GPR37: variants seen among roughly 807,000 people sequenced by gnomAD.
GPR37 encodes the protein prosaposin receptor GPR37.
Under a neutral mutation model 43.6 loss-of-function variants are expected in GPR37, and 20 were observed. The ratio of observed to expected loss-of-function variants is 0.46; its 90% CI spans 0.32 to 0.67. The LOEUF (loss-of-function observed/expected upper bound fraction) is 0.67, where lower values mean the gene tolerates loss of function less well. GPR37 is among the 30% of genes least tolerant of loss of function. The probability of loss-of-function intolerance (pLI) is 0.03; values close to 1 mark genes in which losing one functional copy is unlikely to be tolerated. For synonymous variants in GPR37, 315 were observed against 322.6 expected, an observed-to-expected ratio of 0.98 and a Z score of 0.25; for missense variants, 724 against 797.2, an observed-to-expected ratio of 0.91 and a Z score of 1.11.
intron 1 of GPR37, among the ~76,000 whole-genome samples, chr7:124,763,227 G>C (rs1223225449): frequency 6.6e-6 from 1 of 152,128 alleles, no homozygotes; most frequent in Non-Finnish European, 1.5e-5. Context: ...GTATAACTTT[G>C]AGAATGTTAA....
At position 124,764,829 on chromosome 7, in the gene GPR37, G is replaced by GGATC; in HGVS notation, c.144_147dup (p.Gln50AspfsTer47). ...CCCCAGGCGTCCCTGCCGCGGCGCT[G>GGATC]GATCACTGTAGGTGCACAGCTCTCC... is the stretch of plus-strand genomic sequence containing the variant. On this transcript the variant is annotated frameshift_variant, in exon 1 of 2. Transcript: ENST00000303921. LOFTEE classifies it high-confidence loss of function. This position sits in a 1 kb window ranked among gnomAD's most constrained non-coding sequence, Gnocchi z 5.4. 1 of 1,613,706 alleles carries GGATC rather than the reference G, an allele frequency of 6.2e-7. No homozygotes were observed.
chr7:124,746,585 C>A lies in GPR37; in HGVS notation c.1782G>T (p.Ser594=), dbSNP rs374455144. 1 of 1,613,390 alleles carries A rather than the reference C, an allele frequency of 6.2e-7. No homozygotes were observed. The highest frequency in any genetic ancestry group is 1.3e-5 in the African/African-American group (1 of 74,862). ...TTTCACGGCGTATGGTACTGAAAGGCGAGAGTTCGAGTTCCGTGGTGTACT... is the reference window on the plus strand; with the variant it reads ...TTTCACGGCGTATGGTACTGAAAGGAGAGAGTTCGAGTTCCGTGGTGTACT... ...DNEYTTELEL[S]PFSTIRREMS... is the part of the protein sequence containing the mutation. Residue 594 remains serine, a synonymous_variant, in exon 2 of 2, where the codon TCG becomes TCT. Transcript: ENST00000303921.
Position 124,746,471 on chromosome 7 carries a change from T to C in GPR37, c.*54A>G, listed in dbSNP as rs945861118. 5 of 1,335,430 alleles carry C rather than the reference T, an allele frequency of 3.7e-6. No individual in the cohort carries two copies. In the African/African-American group the frequency reaches 5.9e-5, roughly 16 times the overall value. 82.7% of individuals were successfully genotyped at this position (1,335,430 alleles called of 1,614,324 possible). The stretch of plus-strand genomic sequence containing the variant: ...TAAGGAAAAATATGAATTAAAAACT[T>C]TCACGGGATATGAAAATCAAACAAA... On this transcript the variant is annotated 3_prime_UTR_variant, in exon 2 of 2. Transcript: ENST00000303921.
intron 1 of GPR37, among the ~76,000 whole-genome samples, chr7:124,748,992 T>C (rs1793704278): frequency 6.6e-6 from 1 of 152,118 alleles, no homozygotes; most frequent in South Asian, 2.1e-4. Flanking sequence ...CACATTTATT[T>C]ATATCAACTC....
At position 124,754,337 on chromosome 7, in the gene GPR37, G is replaced by A. The variant is rs147534282; in HGVS notation, c.1024-6994C>T. Among the ~76,000 whole-genome samples, 504 of 152,200 alleles carry A rather than the reference G, an allele frequency of 3.3e-3. 4 individuals carry two copies. Among genetic ancestry groups the A allele is most frequent in the African/African-American group, 0.012 (478 of 41,544 alleles). Reference sequence around the variant, plus strand: ...CTACAGAGATCCTGTCTTAGCTACTGCTGCATTTCTCAGAAGCTAACTGCA... The same window carrying A: ...CTACAGAGATCCTGTCTTAGCTACTACTGCATTTCTCAGAAGCTAACTGCA... On this transcript the variant is annotated intron_variant, in intron 1 of 1. Coordinates refer to ENST00000303921, the MANE Select transcript of GPR37 (RefSeq NM_005302.5).
Position 124,744,464 on chromosome 7 carries a change from C to T in GPR37, c.*2061G>A. On this transcript the variant is annotated 3_prime_UTR_variant, in exon 2 of 2. Transcript: ENST00000303921. ...AACTGGGCTGTTTATTCTTCAATCA[C>T]ACCCACTGATTTCTTCTTCTATTCC... The T allele has an allele frequency of 6.6e-6, 1 of 152,122 alleles. No homozygotes were observed. The highest frequency in any genetic ancestry group is 1.9e-4 in the East Asian group (1 of 5,188). The allele number at this position is 152,122 out of a possible 1,614,324, so 9.4% of individuals were successfully genotyped here.
intron 1 of GPR37, among the ~76,000 whole-genome samples, chr7:124,760,488 T>C (rs1308462261): frequency 2.0e-5 from 3 of 152,232 alleles, no homozygotes; most frequent in Non-Finnish European, 4.4e-5. Context: ...ATTACTGCAA[T>C]TTAAAAAATT....
At chr7:124,755,631 TTAAAA>T (rs1793783320) in intron 1 of GPR37, among the ~76,000 whole-genome samples, 1 of 152,178 alleles carries the variant, frequency 6.6e-6, no homozygotes, top group Admixed American at 6.5e-5. Flanking sequence ...CAGGTGTTTA[TTAAAA>T]TAAAAATGTA....
chr7:124,744,273 G>T lies in GPR37; in HGVS notation c.*2252C>A, dbSNP rs7802263. The T allele has an allele frequency of 0.7, 106,792 of 151,936 alleles. 38,876 individuals are homozygous for T. The highest frequency in any genetic ancestry group is 1 in the East Asian group (5,168 of 5,180). 9.4% of individuals were successfully genotyped at this position (151,936 alleles called of 1,614,324 possible). A position where few individuals can be genotyped will look rare whatever the true frequency, so the allele number is the denominator to read the frequency against. On this transcript the variant is annotated 3_prime_UTR_variant, in exon 2 of 2. Coordinates refer to ENST00000303921, the MANE Select transcript of GPR37 (RefSeq NM_005302.5). The stretch of plus-strand genomic sequence containing the variant: ...AGTTGATCTTCCTATTGCAGAGCTG[G>T]GATACTATTTCTCCATACTCAAAAA...
chr7:124,759,831 C>A (rs889275260), intron 1 of GPR37, among the ~76,000 whole-genome samples: 1 of 152,120 alleles, frequency 6.6e-6, no homozygotes, highest in Non-Finnish European at 1.5e-5. Context: ...TTTAGGCCAA[C>A]AAATTAAAAT....
rs1793905413 is a variant in GPR37 at position 124,765,131 on chromosome 7, T to A, written c.-155A>T. 2 of 625,948 alleles carry A rather than the reference T, an allele frequency of 3.2e-6. No individual in the cohort carries two copies. Among genetic ancestry groups the A allele is most frequent in the African/African-American group, 3.8e-5 (2 of 52,242 alleles). The allele number at this position is 625,948 out of a possible 1,614,324, so 38.8% of individuals were successfully genotyped here. On this transcript the variant is annotated 5_prime_UTR_variant, in exon 1 of 2. Coordinates refer to ENST00000303921, the MANE Select transcript of GPR37 (RefSeq NM_005302.5). ...GATTAGGGTGATAGCGGAAGATCGG[T>A]CTTGGGGGTCACACACACGCCCCCT... is the stretch of plus-strand genomic sequence containing the variant.
Position 124,764,548 on chromosome 7 carries a change from C to A in GPR37, c.429G>T (p.Gln143His), listed in dbSNP as rs759291111. ...CCTCCTCTGAGATCTGAAGGAAGAGCTGGAGGGCCGTGGGGTTCCCTCTCC... is the reference window on the plus strand; with the variant it reads ...CCTCCTCTGAGATCTGAAGGAAGAGATGGAGGGCCGTGGGGTTCCCTCTCC... ...TLGRGNPTAL[Q>H]LFLQISEEEE... Residue 143 changes from glutamine (Q) to histidine (H), a missense_variant, in exon 1 of 2, where the codon CAG becomes CAT. Around this residue, in one of 2 missense-constraint regions of GPR37, gnomAD observed 382 missense variants for 355.4 expected, o/e 1.07. Coordinates refer to ENST00000303921, the MANE Select transcript of GPR37 (RefSeq NM_005302.5). The surrounding 1 kb of genome is among the most constrained non-coding windows in gnomAD (Gnocchi z 5.4). 6.2e-7 allele frequency: 1 copy of A among 1,613,550 alleles called. No homozygotes were observed. Among genetic ancestry groups the A allele is most frequent in the Non-Finnish European group, 8.5e-7 (1 of 1,180,004 alleles).
chr7:124,764,675 C>T lies in GPR37; in HGVS notation c.302G>A (p.Gly101Glu), dbSNP rs547579249. 4 of 1,591,634 alleles carry T rather than the reference C, an allele frequency of 2.5e-6. No homozygotes were observed. In the African/African-American group the frequency reaches 4.0e-5, roughly 16 times the overall value. Residue 101 changes from glycine to glutamate, a missense_variant, in exon 1 of 2, where the codon GGG becomes GAG. Physicochemically the swap from Gly to Glu is moderately conservative, Grantham distance 98. Around this residue, in one of 2 missense-constraint regions of GPR37, gnomAD observed 382 missense variants for 355.4 expected, o/e 1.07. Coordinates refer to ENST00000303921, the MANE Select transcript of GPR37 (RefSeq NM_005302.5). This position sits in a 1 kb window ranked among gnomAD's most constrained non-coding sequence, Gnocchi z 5.4. The part of the protein sequence containing the change: ...APGRDPAAGR[G>E]AEASAAGPPG... ...GGGTCCGGCTGCCGACGCCTCCGCCCCTCTGCCTGCAGCCGGGTCACGGCC... is the reference window on the plus strand; with the variant it reads ...GGGTCCGGCTGCCGACGCCTCCGCCTCTCTGCCTGCAGCCGGGTCACGGCC...
rs553797830 is a variant in GPR37, at chr7:124,746,989, T to C, written c.1378A>G (p.Thr460Ala). The change falls in exon 2 of 2, where the codon ACC becomes GCC. Residue 460 changes from threonine (T) to alanine (A), a missense_variant. By Grantham distance (58) the Thr-to-Ala change is moderately conservative. Coordinates refer to ENST00000303921, the MANE Select transcript of GPR37 (RefSeq NM_005302.5). The stretch of plus-strand genomic sequence containing the variant: ...TTCCTCGCAGTCACTAGAGAGCAGG[T>C]GATGGTGAAAAGCGTGGGCAAACAA... ...YFCLPTLFTITCSLVTARKIR... is the reference protein window; with the variant it reads ...YFCLPTLFTIACSLVTARKIR... 3.1e-6 allele frequency: 5 copies of C among 1,613,914 alleles called. No homozygotes were observed. The South Asian group carries it at 5.5e-5, about 18-fold the overall frequency.
rs781758187 is a variant in GPR37 at position 124,747,384 on chromosome 7, C to T, written c.1024-41G>A. ...GAAGACATTTATTCCCGGTGTCCCC[C>T]GAAAGATCAAAGCACTAGGAAATAA... On this transcript the variant is annotated intron_variant, in intron 1 of 1. Transcript: ENST00000303921. The T allele has an allele frequency of 4.3e-5, 57 of 1,329,738 alleles. 1 individual carries two copies. Among genetic ancestry groups the T allele is most frequent in the South Asian group, 1.8e-4 (13 of 72,388 alleles). 82.4% of individuals were successfully genotyped at this position (1,329,738 alleles called of 1,614,324 possible).
chr7:124,746,326 CA>C lies in GPR37; in HGVS notation c.*198del. ...AATAATCTAAAACTATTGGCCTTCT[CA>C]TTCTTCTTAAATAACTAAATAGAAA... On this transcript the variant is annotated 3_prime_UTR_variant, in exon 2 of 2. Coordinates refer to ENST00000303921, the MANE Select transcript of GPR37 (RefSeq NM_005302.5). 2.3e-6 allele frequency: 1 copy of C among 438,800 alleles called. No homozygotes were observed. The highest frequency in any genetic ancestry group is 4.0e-6 in the Non-Finnish European group (1 of 247,800). The allele number at this position is 438,800 out of a possible 1,614,324, so 27.2% of individuals were successfully genotyped here. A position where few individuals can be genotyped will look rare whatever the true frequency, so the allele number is the denominator to read the frequency against.
intron 1 of GPR37, among the ~76,000 whole-genome samples, chr7:124,757,150 C>T (rs906098904): frequency 8.5e-5 from 13 of 152,102 alleles, no homozygotes; most frequent in Admixed American, 8.5e-4. Flanking sequence ...TCTAAAGTAT[C>T]GCCCTTGTCC....
At position 124,746,334 on chromosome 7, in the gene GPR37, TTAAA is replaced by T; in HGVS notation, c.*187_*190del. 2.2e-6 allele frequency: 1 copy of T among 451,684 alleles called. No individual in the cohort carries two copies. The highest frequency in any genetic ancestry group is 3.4e-5 in the East Asian group (1 of 29,208). The allele number at this position is 451,684 out of a possible 1,614,324, so 28.0% of individuals were successfully genotyped here. A position where few individuals can be genotyped will look rare whatever the true frequency, so the allele number is the denominator to read the frequency against. ...AAAACTATTGGCCTTCTCATTCTTC[TTAAA>T]TAACTAAATAGAAACTTTTTTTCAA... is the stretch of plus-strand genomic sequence containing the variant. On this transcript the variant is annotated 3_prime_UTR_variant, in exon 2 of 2. Coordinates refer to ENST00000303921, the MANE Select transcript of GPR37 (RefSeq NM_005302.5).
Position 124,744,566 on chromosome 7 carries a change from C to T in GPR37, c.*1959G>A, listed in dbSNP as rs1793649049. 6.6e-6 allele frequency: 1 copy of T among 152,268 alleles called. No homozygotes were observed. The allele number at this position is 152,268 out of a possible 1,614,324, so 9.4% of individuals were successfully genotyped here. A position where few individuals can be genotyped will look rare whatever the true frequency, so the allele number is the denominator to read the frequency against. On this transcript the variant is annotated 3_prime_UTR_variant, in exon 2 of 2. Transcript: ENST00000303921. ...CATCAGCTCCTTCTAAAAGCCCACT[C>T]ATCCAGTTATCTCATAAAGCCTTTC...
Sources: allele counts gnomAD v4.1 joint callset (sites outside exome capture counted in the v4.1 genomes callset), GRCh38; gene constraint gnomAD v4.1.1; regional missense constraint gnomAD v4.1.1; non-coding constraint Gnocchi (gnomAD v3.1); transcripts MANE v1.5; gene names NCBI Gene and HGNC (gene_info 2026-07-23, HGNC 2026-07-21).